XRN1: variants seen among roughly 807,000 people sequenced by gnomAD.
XRN1 encodes strand-exchange protein 1 homolog.
In XRN1, 67 loss-of-function variants were observed where a neutral mutation model predicts 222.3. That is an observed-to-expected ratio of 0.30 (90% confidence interval 0.25 to 0.37). XRN1 has a LOEUF of 0.37. Among genes scored for constraint, XRN1 ranks in the 10% least tolerant of loss-of-function variants. The pLI is 1.00. For synonymous variants in XRN1, 643 were observed against 652.4 expected, an observed-to-expected ratio of 0.99 and a Z score of 0.22; for missense variants, 1,707 against 2,000.2, an observed-to-expected ratio of 0.85 and a Z score of 2.80.
chr3:142,373,799 T>C (rs1002826255), intron 25 of XRN1, among the ~76,000 whole-genome samples: 1 of 151,780 alleles, frequency 6.6e-6, no homozygotes, highest in African/African-American at 2.4e-5. Flanking sequence ...ACCAACGTGG[T>C]GAAACCCCAT....
chr3:142,368,566 C>A (rs983218856), intron 27 of XRN1, among the ~76,000 whole-genome samples: 1 of 152,184 alleles, frequency 6.6e-6, no homozygotes, highest in Non-Finnish European at 1.5e-5. Flanking sequence ...AGCTCTGAAT[C>A]CAAATGGGTT....
intron 18 of XRN1, among the ~76,000 whole-genome samples, chr3:142,403,070 T>C (rs776808985): frequency 1.3e-5 from 2 of 152,180 alleles, no homozygotes; most frequent in Non-Finnish European, 2.9e-5. Context: ...TCCAAAATAA[T>C]GGTCATGGGA....
chr3:142,314,582 G>C (rs766417342), intron 39 of XRN1, among the ~76,000 whole-genome samples: 1 of 152,040 alleles, frequency 6.6e-6, no homozygotes, highest in Non-Finnish European at 1.5e-5. Flanking sequence ...AAAAACATCA[G>C]ATCCATTACG....
intron 15 of XRN1, chr3:142,407,832 G>T (rs2068404602): frequency 6.6e-6 from 1 of 151,920 alleles, no homozygotes. Context: ...TCAATTTCCA[G>T]TTCACTGTGA....
At chr3:142,442,862 T>A (rs1442845703) in intron 1 of XRN1, among the ~76,000 whole-genome samples, 1 of 151,752 alleles carries the variant, frequency 6.6e-6, no homozygotes, top group Non-Finnish European at 1.5e-5. Flanking sequence ...GCCTCCTGAG[T>A]AGCTGGGACT....
intron 36 of XRN1, 84 bp downstream of exon 36, chr3:142,332,291 T>C (rs1363230188): frequency 1.2e-5 from 13 of 1,076,516 alleles, no homozygotes; most frequent in African/African-American, 1.6e-5. Context: ...AGCAGTTTTA[T>C]CTTTAAAAGT....
chr3:142,434,803 T>G (rs1368731064), intron 1 of XRN1, among the ~76,000 whole-genome samples: 1 of 152,080 alleles, frequency 6.6e-6, no homozygotes, highest in Non-Finnish European at 1.5e-5. Context: ...AAATTTGCCC[T>G]AGATAAGTTA....
rs2068902961 is a variant in XRN1, at chr3:142,419,125, T to C, written c.1174-244A>G. Among the ~76,000 whole-genome samples, 2 of 152,212 alleles carry C rather than the reference T, an allele frequency of 1.3e-5. 1 individual carries two copies. Among genetic ancestry groups the C allele is most frequent in the South Asian group, 4.1e-4 (2 of 4,830 alleles). Reference sequence around the variant, plus strand: ...TACTCCCTTATCCCCATTTCCTTTCTTTCATCCAACTTATGGCCTCTACCA... The same window carrying C: ...TACTCCCTTATCCCCATTTCCTTTCCTTCATCCAACTTATGGCCTCTACCA... On this transcript the variant is annotated intron_variant, in intron 10 of 40. Coordinates refer to ENST00000392981, the MANE Select transcript of XRN1 (RefSeq NM_001282857.2).
At chr3:142,362,585 CT>C (rs2066678108) in intron 29 of XRN1, among the ~76,000 whole-genome samples, 1 of 136,004 alleles carries the variant, frequency 7.4e-6, no homozygotes, top group African/African-American at 2.7e-5. Flanking sequence ...TTCGTCCCCC[CT>C]ACCCCCGCCC....
rs1318327014 is a variant in XRN1, at chr3:142,414,205, A to G, written c.1523T>C (p.Phe508Ser). Reference sequence around the variant, plus strand: ...AGCAAGAAGCTGTTCAAATGGCTTAAAAGGTTTTCCTAGTTCAAAATGGAT... The same window carrying G: ...AGCAAGAAGCTGTTCAAATGGCTTAGAAGGTTTTCCTAGTTCAAAATGGAT... The part of the protein sequence containing the change: ...LKIHFELGKP[F>S]KPFEQLLAVL... Residue 508 changes from phenylalanine (F) to serine (S), a missense_variant, in exon 14 of 41, where the codon TTT becomes TCT. By Grantham distance (155) the Phe-to-Ser change is radical. Transcript: ENST00000392981. 4 of 1,613,994 alleles carry G rather than the reference A, an allele frequency of 2.5e-6. No individual in the cohort carries two copies. Among genetic ancestry groups the G allele is most frequent in the Admixed American group, 3.3e-5 (2 of 60,012 alleles).
chr3:142,432,016 T>A (rs9835160), intron 2 of XRN1, among the ~76,000 whole-genome samples: 54,886 of 93,892 alleles, frequency 0.58, 16,841 homozygotes, highest in African/African-American at 0.79. Context: ...AAATATATAT[T>A]TTTTTAATAT....
At position 142,314,951 on chromosome 3, in the gene XRN1, G is replaced by GTTT. The variant is rs1204432176; in HGVS notation, c.4622-2196_4622-2194dup. 3.6e-4 allele frequency among the ~76,000 whole-genome samples: 32 copies of GTTT among 88,620 alleles called. 2 individuals are homozygous for GTTT. Among genetic ancestry groups the GTTT allele is most frequent in the African/African-American group, 7.1e-4 (16 of 22,640 alleles). The allele number at this position is 88,620 out of a possible 152,430, so 58.1% of individuals were successfully genotyped here. ...AAAAAAAAATCCAAGTCTGTCGTCT[G>GTTT]TTTTTTTTTTTTTTTTTTTGAGACC... On this transcript the variant is annotated intron_variant, in intron 39 of 40. Transcript: ENST00000392981.
intron 1 of XRN1, among the ~76,000 whole-genome samples, chr3:142,443,228 T>G (rs2070324480): frequency 6.6e-6 from 1 of 152,142 alleles, no homozygotes; most frequent in African/African-American, 2.4e-5. Context: ...AAATCTCAAC[T>G]GCACCACCCC....
chr3:142,339,612 G>A (rs988336600), intron 33 of XRN1, among the ~76,000 whole-genome samples: 1 of 152,192 alleles, frequency 6.6e-6, no homozygotes, highest in African/African-American at 2.4e-5. Flanking sequence ...TGGAGAAACA[G>A]AGATATGTGA....
rs906861363 is a variant in XRN1, at chr3:142,355,429, T to C, written c.3740A>G (p.Gln1247Arg). 2 of 1,583,172 alleles carry C rather than the reference T, an allele frequency of 1.3e-6. No homozygotes were observed. Among genetic ancestry groups the C allele is most frequent in the African/African-American group, 2.7e-5 (2 of 74,350 alleles). Residue 1247 changes from glutamine to arginine, a missense_variant, in exon 32 of 41, where the codon CAA (glutamine) becomes CGA (arginine). By Grantham distance (43) the Gln-to-Arg change is conservative (BLOSUM62 1). Coordinates refer to ENST00000392981, the MANE Select transcript of XRN1 (RefSeq NM_001282857.2). The part of the protein sequence containing the change: ...WQSLQGSGKM[Q>R]YFQPTIQEKG... ...CTCTTGTATAGTTGGCTGAAAGTATTGCATCTTTCCAGATCCCTGTAAGGA... is the reference window on the plus strand; with the variant it reads ...CTCTTGTATAGTTGGCTGAAAGTATCGCATCTTTCCAGATCCCTGTAAGGA...
chr3:142,401,725 A>C (rs534049194), intron 18 of XRN1, among the ~76,000 whole-genome samples: 1 of 152,080 alleles, frequency 6.6e-6, no homozygotes, highest in African/African-American at 2.4e-5. Flanking sequence ...CAAACAAACA[A>C]ACACATAACT....
chr3:142,334,439 C>A (rs141111283), intron 34 of XRN1, among the ~76,000 whole-genome samples: 1 of 151,384 alleles, frequency 6.6e-6, no homozygotes, highest in Non-Finnish European at 1.5e-5. Flanking sequence ...AATAAATATA[C>A]GTGTCAAATT....
chr3:142,420,885 G>T, intron 10 of XRN1, 131 bp downstream of exon 10: 1 of 1,133,402 alleles, frequency 8.8e-7, no homozygotes, highest in Non-Finnish European at 1.3e-6. Context: ...ATCAATTTCT[G>T]AAATGCCTAT....
intron 34 of XRN1, among the ~76,000 whole-genome samples, chr3:142,333,762 T>C (rs1258329464): frequency 6.6e-6 from 1 of 152,158 alleles, no homozygotes. Context: ...AATAGAGCTC[T>C]TTCTCTCCAT....
Sources: allele counts gnomAD v4.1 joint callset (sites outside exome capture counted in the v4.1 genomes callset), GRCh38; gene constraint gnomAD v4.1.1; transcripts MANE v1.5; gene names NCBI Gene and HGNC (gene_info 2026-07-23, HGNC 2026-07-21).